The following CAMKMT variants were observed in gnomAD, a reference collection of about 807,000 sequenced individuals.
CAMKMT encodes CaM KMT.
In CAMKMT, 53 loss-of-function variants were observed where a neutral mutation model predicts 48.0. That is an observed-to-expected ratio of 1.10 (90% CI 0.89 to 1.39). The LOEUF is 1.39. CAMKMT is among the 40% of genes most tolerant of loss of function. CAMKMT has a pLI of 0.00. For synonymous variants in CAMKMT, 165 were observed against 152.3 expected (o/e 1.08, Z -0.61); for missense variants, 428 against 402.7 (o/e 1.06, Z -0.54).
intron 8 of CAMKMT, among the ~76,000 whole-genome samples, chr2:44,744,372 A>T (rs1327873857): frequency 6.6e-6 from 1 of 152,156 alleles, no homozygotes; most frequent in Non-Finnish European, 1.5e-5. Context: ...CAATCTACTT[A>T]TTTGTTAATG....
At chr2:44,646,094 ACAGT>A (rs937010880) in intron 3 of CAMKMT, among the ~76,000 whole-genome samples, 5 of 152,232 alleles carry the variant, frequency 3.3e-5, no homozygotes, top group African/African-American at 4.8e-5. Context: ...TGATTGTAGA[ACAGT>A]CAGAGAGCTT....
At chr2:44,688,395 T>C (rs761180851) in intron 3 of CAMKMT, among the ~76,000 whole-genome samples, 1 of 152,000 alleles carries the variant, frequency 6.6e-6, no homozygotes, top group African/African-American at 2.4e-5. Context: ...TATCAATGAA[T>C]AATGATGAGT....
At chr2:44,648,390 CA>C (rs948245728) in intron 3 of CAMKMT, among the ~76,000 whole-genome samples, 1 of 151,666 alleles carries the variant, frequency 6.6e-6, no homozygotes, top group East Asian at 1.9e-4. Context: ...ATTAAATTTT[CA>C]AAAAAAGTAC....
At chr2:44,598,067 G>T (rs928935746) in intron 3 of CAMKMT, among the ~76,000 whole-genome samples, 1 of 151,938 alleles carries the variant, frequency 6.6e-6, no homozygotes, top group Non-Finnish European at 1.5e-5. Context: ...AAAATAATAA[G>T]ATCTAGTTGT....
chr2:44,724,625 T>C (rs1287707191), intron 7 of CAMKMT, among the ~76,000 whole-genome samples: 1 of 152,106 alleles, frequency 6.6e-6, no homozygotes, highest in Admixed American at 6.5e-5. Flanking sequence ...ATAGCCTCTG[T>C]TTGTCATTAG....
At chr2:44,554,607 A>G (rs1321457027) in intron 3 of CAMKMT, among the ~76,000 whole-genome samples, 1 of 152,166 alleles carries the variant, frequency 6.6e-6, no homozygotes, top group Admixed American at 6.6e-5. Context: ...ATAGTAGTAC[A>G]TGCCTATAGT....
At chr2:44,695,509 T>A (rs953816154) in intron 3 of CAMKMT, among the ~76,000 whole-genome samples, 1 of 151,980 alleles carries the variant, frequency 6.6e-6, no homozygotes, top group Non-Finnish European at 1.5e-5. Flanking sequence ...GAGATAAGAA[T>A]ATGTCTTGGA....
intron 3 of CAMKMT, among the ~76,000 whole-genome samples, chr2:44,571,772 G>A (rs1239412506): frequency 6.6e-6 from 1 of 152,014 alleles, no homozygotes; most frequent in Non-Finnish European, 1.5e-5. Context: ...TAGGGAGTTC[G>A]AGACCAGCCT....
In CAMKMT at chr2:44,404,919, T is replaced by G. The variant is rs139138917; in HGVS notation, c.376+14614T>G. On this transcript the variant is annotated intron_variant, in intron 3 of 10. Transcript: ENST00000378494. ...ATATTAAAGAGAATATAAATGCTGG[T>G]GGTTACTATATAACTAGTGCTCCAA... Among the ~76,000 whole-genome samples, 7 of 152,242 alleles carry G rather than the reference T, an allele frequency of 4.6e-5. No homozygotes were observed. The East Asian group carries it at 1.3e-3, about 29-fold the overall frequency.
At chr2:44,544,460 T>C (rs1473296994) in intron 3 of CAMKMT, among the ~76,000 whole-genome samples, 1 of 152,214 alleles carries the variant, frequency 6.6e-6, no homozygotes, top group Non-Finnish European at 1.5e-5. Context: ...AGTCAGTACA[T>C]TGGAAGTCAG....
intron 3 of CAMKMT, among the ~76,000 whole-genome samples, chr2:44,391,171 GATTTGCATAGA>G (rs1219702362): frequency 1.3e-5 from 2 of 152,166 alleles, no homozygotes; most frequent in Non-Finnish European, 2.9e-5. Flanking sequence ...CAAATAAATA[GATTTGCATAGA>G]ATTGTGTTCA....
intron 3 of CAMKMT, among the ~76,000 whole-genome samples, chr2:44,547,727 T>C (rs1204327104): frequency 1.3e-5 from 2 of 152,220 alleles, no homozygotes; most frequent in African/African-American, 2.4e-5. Context: ...ACCCATTTCA[T>C]AGGGTTACTA....
rs146072156 is a variant in CAMKMT, at chr2:44,747,065, G to T, written c.698+3369G>T. Among the ~76,000 whole-genome samples the T allele has an allele frequency of 3.3e-5, 5 of 152,232 alleles. No homozygotes were observed. The East Asian group carries it at 5.8e-4, about 18-fold the overall frequency. On this transcript the variant is annotated intron_variant, in intron 8 of 10. Coordinates refer to ENST00000378494, the MANE Select transcript of CAMKMT (RefSeq NM_024766.5). ...TGAAATGCCACCCATACCCTGACCG[G>T]CCCATTGAGCTGGGTATGCAGGACA...
chr2:44,732,178 T>C (rs1176767229), intron 7 of CAMKMT, among the ~76,000 whole-genome samples: 1 of 152,198 alleles, frequency 6.6e-6, no homozygotes, highest in African/African-American at 2.4e-5. Flanking sequence ...GGTCTCAAAC[T>C]CTTGGCCTCA....
intron 2 of CAMKMT, among the ~76,000 whole-genome samples, chr2:44,385,594 T>C (rs1455232170): frequency 6.6e-6 from 1 of 152,132 alleles, no homozygotes; most frequent in Non-Finnish European, 1.5e-5. Context: ...CATTCAGTAT[T>C]ATGTTGGCTG....
At position 44,372,317 on chromosome 2, in the gene CAMKMT, C is replaced by G. The variant is rs76484023; in HGVS notation, c.139-399C>G. On this transcript the variant is annotated intron_variant, in intron 1 of 10. Transcript: ENST00000378494. ...TGGGTAATATAGGGAGACCCCATCT[C>G]TACAAAAAATTTAAAAAATTAACCA... Among the ~76,000 whole-genome samples the G allele has an allele frequency of 7.8e-3, 1,194 of 152,156 alleles. 22 individuals are homozygous for G. Among genetic ancestry groups the G allele is most frequent in the African/African-American group, 0.027 (1,133 of 41,488 alleles).
At position 44,511,087 on chromosome 2, in the gene CAMKMT, C is replaced by T. The variant is rs552323451; in HGVS notation, c.376+120782C>T. ...GGCTCCTCACCTCAAGTGATCTGCC[C>T]GCCTCAGCCTCCCAAAGTGCTGGGA... On this transcript the variant is annotated intron_variant, in intron 3 of 10. Coordinates refer to ENST00000378494, the MANE Select transcript of CAMKMT (RefSeq NM_024766.5). Among the ~76,000 whole-genome samples, 16 of 152,082 alleles carry T rather than the reference C, an allele frequency of 1.1e-4. No individual in the cohort carries two copies. In the South Asian group the frequency reaches 1.3e-3, roughly 12 times the overall value.
chr2:44,561,123 AT>A (rs929019938), intron 3 of CAMKMT, among the ~76,000 whole-genome samples: 3 of 150,030 alleles, frequency 2.0e-5, no homozygotes, highest in Non-Finnish European at 4.4e-5. Flanking sequence ...AATCTTTATC[AT>A]TTTTTTTTCT....
intron 3 of CAMKMT, among the ~76,000 whole-genome samples, chr2:44,510,299 A>G (rs78687373): frequency 0.033 from 5,048 of 152,220 alleles, 276 homozygotes; most frequent in African/African-American, 0.11. Flanking sequence ...GTACTAGTCA[A>G]TTATTTTGTA....
Sources: allele counts gnomAD v4.1 joint callset (sites outside exome capture counted in the v4.1 genomes callset), GRCh38; gene constraint gnomAD v4.1.1; transcripts MANE v1.5; gene names NCBI Gene and HGNC (gene_info 2026-07-23, HGNC 2026-07-21).